Variants in AFF3 observed in about 807,000 individuals in gnomAD.
AFF3 encodes ALF transcription elongation factor 3.
A neutral mutation model predicts 129.7 loss-of-function variants in AFF3; 32 were observed. The observed-to-expected ratio is 0.25, with a 90% CI of 0.19 to 0.33. The LOEUF (loss-of-function observed/expected upper bound fraction) is 0.33, where lower values mean the gene tolerates loss of function less well. Ranked by LOEUF, AFF3 falls within the 10% of genes least tolerant of loss-of-function variation. The pLI is 1.00. For synonymous variants in AFF3, 644 were observed against 635.4 expected (o/e 1.01, Z -0.20); for missense variants, 1,373 against 1,592.0 (o/e 0.86, Z 2.34).
intron 7 of AFF3, among the ~76,000 whole-genome samples, chr2:99,864,790 A>G (rs1691254876): frequency 6.6e-6 from 1 of 152,212 alleles, no homozygotes; most frequent in South Asian, 2.1e-4. Flanking sequence ...TCACAGTCCA[A>G]TGTGTTCACT....
At chr2:100,050,608 T>C (rs1481117080) in intron 4 of AFF3, among the ~76,000 whole-genome samples, 2 of 152,172 alleles carry the variant, frequency 1.3e-5, no homozygotes, top group Non-Finnish European at 2.9e-5. Context: ...TTAAGATCCT[T>C]ACTATAAGGT....
intron 7 of AFF3, among the ~76,000 whole-genome samples, chr2:99,975,583 G>T: frequency 6.6e-6 from 1 of 151,968 alleles, no homozygotes; most frequent in Admixed American, 6.6e-5. Context: ...GTTTCCTTAA[G>T]GTGTATGTAG....
chr2:100,061,173 T>C (rs1045139652), intron 4 of AFF3, among the ~76,000 whole-genome samples: 25 of 152,196 alleles, frequency 1.6e-4, no homozygotes, highest in Non-Finnish European at 2.1e-4. Context: ...TCTAAGTTAC[T>C]TTCTTTCCTT....
At chr2:99,814,853 C>CTT (rs34474594) in intron 8 of AFF3, among the ~76,000 whole-genome samples, 1,681 of 143,516 alleles carry the variant, frequency 0.012, 32 homozygotes, top group African/African-American at 0.038. Flanking sequence ...TTTAATTATA[C>CTT]TTTTTTTTTT....
At chr2:100,121,982 A>T (rs916579760) in intron 2 of AFF3, among the ~76,000 whole-genome samples, 1 of 152,186 alleles carries the variant, frequency 6.6e-6, no homozygotes, top group African/African-American at 2.4e-5. Context: ...GAATGGCGTG[A>T]ACCCGGGAAG....
intron 11 of AFF3, among the ~76,000 whole-genome samples, chr2:99,724,819 T>A (rs556332522): frequency 6.6e-6 from 1 of 152,318 alleles, no homozygotes; most frequent in South Asian, 2.1e-4. Flanking sequence ...ATAGGAGAGA[T>A]GCTTGCAACC....
chr2:100,005,202 A>G (rs1573080818), intron 7 of AFF3, among the ~76,000 whole-genome samples: 1 of 152,334 alleles, frequency 6.6e-6, no homozygotes, highest in East Asian at 1.9e-4. Context: ...AAAACTGCAC[A>G]GTTATCTGCT....
chr2:99,658,902 G>T (rs1009923031), intron 12 of AFF3, among the ~76,000 whole-genome samples: 2 of 152,172 alleles, frequency 1.3e-5, no homozygotes, highest in Non-Finnish European at 2.9e-5. Context: ...CTTTATCTGG[G>T]GATGCCAGTG....
intron 7 of AFF3, among the ~76,000 whole-genome samples, chr2:99,896,873 G>A (rs1028614372): frequency 6.6e-6 from 1 of 151,836 alleles, no homozygotes; most frequent in Non-Finnish European, 1.5e-5. Flanking sequence ...CTGACCTCGT[G>A]ATCTGCCCGC....
chr2:99,626,361 C>G (rs1682552740), intron 13 of AFF3, among the ~76,000 whole-genome samples: 2 of 145,848 alleles, frequency 1.4e-5, no homozygotes, highest in East Asian at 2.0e-4. Context: ...TCCTTCCTTC[C>G]TCTTTCCTCC....
At chr2:100,104,659 C>A (rs1368978770) in intron 3 of AFF3, 141 bp from the exon 4 acceptor site, 1 of 950,692 alleles carries the variant, frequency 1.1e-6, no homozygotes. Context: ...CAGCGGCCGG[C>A]GCACTCACCC....
chr2:99,985,853 T>C (rs769634505), intron 7 of AFF3, among the ~76,000 whole-genome samples: 2 of 152,040 alleles, frequency 1.3e-5, no homozygotes, highest in Non-Finnish European at 2.9e-5. Context: ...CTTCAAGTTG[T>C]ATACTTAGGA....
chr2:99,594,564 G>A (rs1679099338), intron 14 of AFF3, among the ~76,000 whole-genome samples: 1 of 152,134 alleles, frequency 6.6e-6, no homozygotes, highest in African/African-American at 2.4e-5. Context: ...TGTCTCATTA[G>A]AACCCATTTC....
rs1484387834 is a variant in AFF3, at chr2:99,594,151, C to T, written c.1510G>A (p.Val504Ile). Reference sequence around the variant, plus strand: ...TCGGGGACTTTCCCACAGTCCTGGACGTCCTCTTTCACCGGGTTGTAGTAC... The same window carrying T: ...TCGGGGACTTTCCCACAGTCCTGGATGTCCTCTTTCACCGGGTTGTAGTAC... Reference protein sequence around the residue: ...NQYYNPVKEDVQDCGKVPDVC... With the variant: ...NQYYNPVKEDIQDCGKVPDVC... The change falls in exon 15 of 25, where the codon GTC becomes ATC. Residue 504 changes from valine (V) to isoleucine (I), a missense_variant. Coordinates refer to ENST00000672756, the MANE Select transcript of AFF3 (RefSeq NM_001386135.1). 4 of 1,614,138 alleles carry T rather than the reference C, an allele frequency of 2.5e-6. No homozygotes were observed. The South Asian group carries it at 3.3e-5, about 13-fold the overall frequency.
At chr2:100,083,396 T>C (rs1158844767) in intron 4 of AFF3, among the ~76,000 whole-genome samples, 2 of 152,216 alleles carry the variant, frequency 1.3e-5, no homozygotes. Flanking sequence ...ATTGTGCTTA[T>C]GACCTGGACA....
intron 20 of AFF3, 98 bp downstream of exon 20, chr2:99,565,389 G>A (rs1675864584): frequency 6.7e-7 from 1 of 1,497,266 alleles, no homozygotes; most frequent in Non-Finnish European, 9.1e-7. Flanking sequence ...GGTTCCTGGT[G>A]GGGGATGGTG....
In AFF3 at chr2:99,840,537, A is replaced by G. The variant is rs1408771365; in HGVS notation, c.874-3013T>C. On this transcript the variant is annotated intron_variant, in intron 7 of 24. Coordinates refer to ENST00000672756, the MANE Select transcript of AFF3 (RefSeq NM_001386135.1). ...GGCTTATCCTTATAAGCCAAGAAAA[A>G]TAGTGTTCAATATCATGACACCAAT... 2.6e-5 allele frequency among the ~76,000 whole-genome samples: 4 copies of G among 152,186 alleles called. No homozygotes were observed. The East Asian group carries it at 7.7e-4, about 29-fold the overall frequency.
intron 11 of AFF3, among the ~76,000 whole-genome samples, chr2:99,681,047 C>G (rs1250199475): frequency 6.6e-6 from 1 of 152,204 alleles, no homozygotes; most frequent in East Asian, 1.9e-4. Context: ...GGGGTGCAAT[C>G]TGGGCATCAG....
At chr2:100,064,273 C>T (rs182642912) in intron 4 of AFF3, among the ~76,000 whole-genome samples, 62 of 152,256 alleles carry the variant, frequency 4.1e-4, no homozygotes, top group Admixed American at 1.1e-3. Flanking sequence ...CTTACTATCA[C>T]CTACCCCTCC....
Sources: allele counts gnomAD v4.1 joint callset (sites outside exome capture counted in the v4.1 genomes callset), GRCh38; gene constraint gnomAD v4.1.1; transcripts MANE v1.5; gene names NCBI Gene and HGNC (gene_info 2026-07-23, HGNC 2026-07-21).